The following EDEM3 variants were observed in gnomAD, a reference collection of about 807,000 sequenced individuals.
EDEM3 encodes ER degradation-enhancing alpha-mannosidase-like protein 3.
EDEM3 carries 60 observed loss-of-function variants against 110.2 expected under a neutral mutation model. The ratio of observed to expected loss-of-function variants is 0.54; its 90% confidence interval spans 0.44 to 0.67. The LOEUF is 0.67. Ranked by LOEUF, EDEM3 falls within the 30% of genes least tolerant of loss-of-function variation. The probability of loss-of-function intolerance (pLI) is 0.00; values close to 1 mark genes in which losing one functional copy is unlikely to be tolerated. For missense variants in EDEM3, 996 were observed against 1,121.0 expected (o/e 0.89, Z 1.59); for synonymous variants, 352 against 382.9 (o/e 0.92, Z 0.94).
chr1:184,713,320 C>T (rs758420731), intron 13 of EDEM3, among the ~76,000 whole-genome samples: 4 of 151,798 alleles, frequency 2.6e-5, no homozygotes, highest in Non-Finnish European at 4.4e-5. Flanking sequence ...GTCACACGGG[C>T]TATGATTATA....
intron 2 of EDEM3, among the ~76,000 whole-genome samples, chr1:184,738,033 C>T (rs1004147412): frequency 2.0e-5 from 3 of 152,102 alleles, no homozygotes; most frequent in African/African-American, 4.8e-5. Context: ...AATACATACA[C>T]ATATATTATT....
At position 184,706,745 on chromosome 1, in the gene EDEM3, C is replaced by T; in HGVS notation, c.2101G>A (p.Ala701Thr). ...ATCAGTGCGATTTTTCCCATCACTG[C>T]CTCTGGGTTAGTAAGCTCTGAACAA... is the stretch of plus-strand genomic sequence containing the variant. ...NGCSELTNPEAVMGKIALIQR... is the reference protein window; with the variant it reads ...NGCSELTNPETVMGKIALIQR... The change falls in exon 18 of 20, where the codon GCA (alanine) becomes ACA (threonine). Residue 701 changes from alanine (A) to threonine (T), a missense_variant. Physicochemically the swap from Ala to Thr is moderately conservative, Grantham distance 58 (BLOSUM62 0). Transcript: ENST00000318130. The T allele has an allele frequency of 6.2e-7, 1 of 1,613,960 alleles. No homozygotes were observed. The highest frequency in any genetic ancestry group is 2.2e-5 in the East Asian group (1 of 44,866).
chr1:184,741,853 T>G (rs1571415800), intron 2 of EDEM3, among the ~76,000 whole-genome samples: 2 of 152,068 alleles, frequency 1.3e-5, no homozygotes. Context: ...GCTGGAACAG[T>G]TTTTTTTCCT....
intron 19 of EDEM3, among the ~76,000 whole-genome samples, chr1:184,699,542 A>C (rs1433101362): frequency 6.6e-6 from 1 of 151,886 alleles, no homozygotes; most frequent in Non-Finnish European, 1.5e-5. Flanking sequence ...GTTCATCTGC[A>C]TATGTACTAG....
At chr1:184,697,432 A>T (rs927523032) in intron 19 of EDEM3, among the ~76,000 whole-genome samples, 1 of 151,934 alleles carries the variant, frequency 6.6e-6, no homozygotes, top group African/African-American at 2.4e-5. Flanking sequence ...AATTCTAAGA[A>T]TCAGTGAGGG....
At chr1:184,701,650 T>G (rs954395421) in intron 19 of EDEM3, 3 of 679,206 alleles carry the variant, frequency 4.4e-6, no homozygotes, top group Non-Finnish European at 6.3e-6. Flanking sequence ...AATGCATATA[T>G]GTAGGCAAGA....
chr1:184,717,148 T>C (rs1475109248), intron 12 of EDEM3, 136 bp from the exon 13 acceptor site: 1 of 612,254 alleles, frequency 1.6e-6, no homozygotes, highest in African/African-American at 1.9e-5. Flanking sequence ...TATATAGAAC[T>C]GAGTTCTGAA....
rs1558045150 is a variant in EDEM3 at position 184,706,771 on chromosome 1, C to T, written c.2075G>A (p.Gly692Asp). The change falls in exon 18 of 20, where the codon GGT becomes GAT. Residue 692 changes from glycine (G) to aspartate (D), a missense_variant. Physicochemically the swap from Gly to Asp is moderately conservative, Grantham distance 94. Transcript: ENST00000318130. ...GFVASSKPSN[G>D]CSELTNPEAV... is the part of the protein sequence containing the mutation. Reference sequence around the variant, plus strand: ...CTCTGGGTTAGTAAGCTCTGAACAACCATTGGATGGTTTACTGCTTGCAAC... The same window carrying T: ...CTCTGGGTTAGTAAGCTCTGAACAATCATTGGATGGTTTACTGCTTGCAAC... 1 of 1,613,812 alleles carries T rather than the reference C, an allele frequency of 6.2e-7. No individual in the cohort carries two copies. Among genetic ancestry groups the T allele is most frequent in the Non-Finnish European group, 8.5e-7 (1 of 1,179,812 alleles).
chr1:184,719,112 GTGTGTGTGTT>G (rs1650725467), intron 11 of EDEM3, 40 bp downstream of exon 11: 1 of 1,042,684 alleles, frequency 9.6e-7, no homozygotes, highest in East Asian at 2.4e-5. Flanking sequence ...ACGTGTGTGT[GTGTGTGTGTT>G]TGTGTGTGTG....
At chr1:184,735,376 C>A (rs1330738671) in intron 4 of EDEM3, among the ~76,000 whole-genome samples, 1 of 152,052 alleles carries the variant, frequency 6.6e-6, no homozygotes, top group Non-Finnish European at 1.5e-5. Context: ...GATCTAGAAT[C>A]CTGACTAAAC....
chr1:184,752,709 A>T (rs1652833095), intron 1 of EDEM3, among the ~76,000 whole-genome samples: 1 of 152,240 alleles, frequency 6.6e-6, no homozygotes, highest in African/African-American at 2.4e-5. Context: ...TGTGGTTCTT[A>T]ACAGACTTGA....
intron 6 of EDEM3, among the ~76,000 whole-genome samples, chr1:184,726,898 C>T (rs2333715): frequency 0.3 from 46,168 of 152,088 alleles, 8,590 homozygotes; most frequent in East Asian, 0.55. Context: ...ATTTCATTTA[C>T]GGGTTTTAAG....
chr1:184,711,988 G>A (rs1048502713), intron 14 of EDEM3, 111 bp from the exon 15 acceptor site: 28 of 769,804 alleles, frequency 3.6e-5, no homozygotes, highest in Admixed American at 1.5e-4. Context: ...GTGCAGTGGC[G>A]TAATCTCTGC....
At position 184,710,463 on chromosome 1, in the gene EDEM3, C is replaced by T; in HGVS notation, c.1776G>A (p.Leu592=). The change falls in exon 16 of 20, where the codon CTG becomes CTA. Residue 592 remains leucine, a synonymous_variant. Transcript: ENST00000318130. The part of the protein sequence containing the change: ...MATNPEHLEI[L]KKMGVSLIHL... Reference sequence around the variant, plus strand: ...GAATCAAACTCACCCCCATCTTCTTCAGGATTTCTAAATGCTCAGGGTTAG... The same window carrying T: ...GAATCAAACTCACCCCCATCTTCTTTAGGATTTCTAAATGCTCAGGGTTAG... 1 of 1,613,952 alleles carries T rather than the reference C, an allele frequency of 6.2e-7. No individual in the cohort carries two copies. Among genetic ancestry groups the T allele is most frequent in the Non-Finnish European group, 8.5e-7 (1 of 1,179,892 alleles).
chr1:184,701,798 TCATA>T (rs905455822), intron 19 of EDEM3, among the ~76,000 whole-genome samples: 1 of 152,090 alleles, frequency 6.6e-6, no homozygotes, highest in African/African-American at 2.4e-5. Flanking sequence ...ACTCCATTGC[TCATA>T]AATAATTGAC....
intron 19 of EDEM3, among the ~76,000 whole-genome samples, chr1:184,699,750 T>C (rs776280667): frequency 6.6e-6 from 1 of 151,800 alleles, no homozygotes; most frequent in Non-Finnish European, 1.5e-5. Context: ...CTTTACCAGA[T>C]AGAGACAAAT....
At chr1:184,733,889 T>C (rs1651675821) in intron 5 of EDEM3, among the ~76,000 whole-genome samples, 2 of 151,608 alleles carry the variant, frequency 1.3e-5, no homozygotes, top group African/African-American at 4.8e-5. Context: ...ATCTTATACA[T>C]TCAGTTTCTT....
intron 6 of EDEM3, 21 bp downstream of exon 6, chr1:184,732,816 A>C: frequency 6.2e-7 from 1 of 1,606,878 alleles, no homozygotes; most frequent in East Asian, 2.2e-5. Flanking sequence ...ATAAAGACTC[A>C]TATTTTTCAG....
rs1045881550 is a variant in EDEM3 at position 184,730,444 on chromosome 1, G to A, written c.612+2393C>T. Reference sequence around the variant, plus strand: ...CAAAAATTTTTTTTAAAAATCAGCCGAGCATGGTGGCACGTGCCTGTAGTC... The same window carrying A: ...CAAAAATTTTTTTTAAAAATCAGCCAAGCATGGTGGCACGTGCCTGTAGTC... On this transcript the variant is annotated intron_variant, in intron 6 of 19. Transcript: ENST00000318130. Among the ~76,000 whole-genome samples, 7 of 152,066 alleles carry A rather than the reference G, an allele frequency of 4.6e-5. No individual in the cohort carries two copies. The South Asian group carries it at 1.0e-3, about 23-fold the overall frequency.
Sources: gnomAD v4.1 joint callset for allele counts (sites outside exome capture counted in the v4.1 genomes callset) on GRCh38, gnomAD v4.1.1 for gene constraint, MANE v1.5 for transcripts, NCBI Gene and HGNC (gene_info 2026-07-23, HGNC 2026-07-21) for gene names.